The following SLC25A22 variants were observed in gnomAD, a reference collection of about 807,000 sequenced individuals.
SLC25A22 encodes the protein solute carrier family 25 member 22, also known as mitochondrial glutamate carrier 1.
A neutral mutation model predicts 33.7 loss-of-function variants in SLC25A22; 23 were observed. The observed-to-expected ratio is 0.68, with a 90% CI of 0.49 to 0.97. The LOEUF is 0.97. Among genes scored for constraint, SLC25A22 ranks in the 50% least tolerant of loss-of-function variants. The pLI is 0.00. For missense variants in SLC25A22, 390 were observed against 451.1 expected (o/e 0.86, Z 1.23); for synonymous variants, 245 against 203.8 (o/e 1.20, Z -1.72).
In SLC25A22 at chr11:794,544, C is replaced by A. The variant is rs372352469; in HGVS notation, c.147-31G>T. ...GCCAAGGGGACAGGGTGAGCCAGGG[C>A]CAGCTGGGGCCAGCCGGAGGCCAGG... On this transcript the variant is annotated intron_variant, in intron 3 of 9. Transcript: ENST00000628067. The A allele has an allele frequency of 2.5e-6, 4 of 1,607,950 alleles. No homozygotes were observed. In the Admixed American group the frequency reaches 6.7e-5, roughly 27 times the overall value.
Position 791,680 on chromosome 11 carries a change from A to C in SLC25A22, c.*235T>G. On this transcript the variant is annotated 3_prime_UTR_variant, in exon 10 of 10. Transcript: ENST00000628067. ...ATTGGGGCAGGGGCTAGCTTGAGGA[A>C]TGTAAAGATTTCTGCATTTTCTACA... 34 of 567,686 alleles carry C rather than the reference A, an allele frequency of 6.0e-5. No homozygotes were observed. The highest frequency in any genetic ancestry group is 9.3e-5 in the East Asian group (3 of 32,160). The allele number at this position is 567,686 out of a possible 1,614,324, so 35.2% of individuals were successfully genotyped here. A position where few individuals can be genotyped will look rare whatever the true frequency, so the allele number is the denominator to read the frequency against.
In SLC25A22 at chr11:792,561, C is replaced by T. The variant is rs141430143; in HGVS notation, c.579G>A (p.Thr193=). The change falls in exon 7 of 10, where the codon ACG becomes ACA. Residue 193 remains threonine (T), a synonymous_variant. Coordinates refer to ENST00000628067, the MANE Select transcript of SLC25A22 (RefSeq NM_001191061.2). ...IAGLYKGLGA[T]LLRDVPFSVV... ...TGCCCTGTGCCTCCTACCTGAGCAG[C>T]GTGGCCCCGAGTCCCTTGTAGAGAC... The T allele has an allele frequency of 3.6e-5, 58 of 1,612,250 alleles. No homozygotes were observed. Among genetic ancestry groups the T allele is most frequent in the Admixed American group, 2.5e-4 (15 of 59,962 alleles).
At chr11:797,384 G>A (rs369087138) in intron 1 of SLC25A22, 63 of 380,488 alleles carry the variant, frequency 1.7e-4, no homozygotes, top group African/African-American at 1.2e-3. Flanking sequence ...TGAGACAGCT[G>A]GCCAGGGCCC....
Position 793,600 on chromosome 11 carries a change from G to A in SLC25A22, c.222C>T (p.Thr74=), listed in dbSNP as rs1476954002. Residue 74 remains threonine, a synonymous_variant, in exon 5 of 10, where the codon ACC becomes ACT. Coordinates refer to ENST00000628067, the MANE Select transcript of SLC25A22 (RefSeq NM_001191061.2). ...TGATGGCCTTCTCGGGGGTGACGAG[G>A]GTCAAGTTCACAGCAGCTCCTGTGG... ...GMYRGAAVNL[T]LVTPEKAIKL... 8.1e-6 allele frequency: 13 copies of A among 1,610,282 alleles called. No individual in the cohort carries two copies. In the Admixed American group the frequency reaches 1.7e-4, roughly 21 times the overall value.
At position 795,019 on chromosome 11, in the gene SLC25A22, C is replaced by T. The variant is rs1348026703; in HGVS notation, c.-13G>A. The stretch of plus-strand genomic sequence containing the variant: ...GCTTATCAGCCATTTAACTCGATTG[C>T]ACCCAGGTAGGAGCCGCAGAGGTGG... On this transcript the variant is annotated 5_prime_UTR_variant, in exon 2 of 10. Coordinates refer to ENST00000628067, the MANE Select transcript of SLC25A22 (RefSeq NM_001191061.2). 3 of 1,553,472 alleles carry T rather than the reference C, an allele frequency of 1.9e-6. No homozygotes were observed. The highest frequency in any genetic ancestry group is 2.4e-5 in the South Asian group (2 of 84,202).
rs748509400 is a variant in SLC25A22, at chr11:794,524, G to A, written c.147-11C>T. 55 of 1,611,814 alleles carry A rather than the reference G, an allele frequency of 3.4e-5. 1 individual carries two copies. In the South Asian group the frequency reaches 4.7e-4, roughly 14 times the overall value. On this transcript the variant is annotated splice_polypyrimidine_tract_variant and intron_variant, in intron 3 of 9. Transcript: ENST00000628067. ...ATGAGGCAGTCGGACCTGTGGCCAA[G>A]GGGACAGGGTGAGCCAGGGCCAGCT...
Position 792,303 on chromosome 11 carries a change from C to T in SLC25A22, c.742+1G>A. On this transcript the variant is annotated splice_donor_variant, in intron 8 of 9. Transcript: ENST00000628067. LOFTEE classifies it high-confidence loss of function. ...AGCCGGGCGCCATCCCATGCACTGA[C>T]CATCACAGGGGTTGACGGCCACAGC... is the stretch of plus-strand genomic sequence containing the variant. The T allele has an allele frequency of 6.2e-7, 1 of 1,613,216 alleles. No homozygotes were observed. Among genetic ancestry groups the T allele is most frequent in the Non-Finnish European group, 8.5e-7 (1 of 1,179,944 alleles).
intron 1 of SLC25A22, among the ~76,000 whole-genome samples, chr11:795,861 C>A (rs1011522893): frequency 6.6e-6 from 1 of 152,194 alleles, no homozygotes; most frequent in African/African-American, 2.4e-5. Flanking sequence ...TCTGAGGCCC[C>A]CTGTGGCTGG....
intron 5 of SLC25A22, among the ~76,000 whole-genome samples, chr11:793,219 C>G (rs954976051): frequency 1.3e-5 from 2 of 152,164 alleles, no homozygotes; most frequent in Non-Finnish European, 2.9e-5. Flanking sequence ...CTGTCTGCGA[C>G]AAAGGAAAAT....
chr11:793,496 A>G (rs762506905), intron 5 of SLC25A22, 33 bp downstream of exon 5: 1 of 1,605,196 alleles, frequency 6.2e-7, no homozygotes, highest in Non-Finnish European at 8.5e-7. Flanking sequence ...GAAGCCAAAG[A>G]CCCCTCGAGT....
chr11:794,900 G>A lies in SLC25A22; in HGVS notation c.22C>T (p.Leu8=), dbSNP rs2133714057. MADKQIS[L]PAKLINGGIA... is the part of the protein sequence containing the mutation. ...CCGCCATTGATGAGCTTGGCTGGCA[G>A]GCTGTGTGGACAGGGGTGTCAGGAC... Residue 8 remains leucine (L), a splice_region_variant and synonymous_variant, in exon 3 of 10, where the codon CTG becomes TTG. Transcript: ENST00000628067. 1.3e-6 allele frequency: 2 copies of A among 1,565,318 alleles called. No individual in the cohort carries two copies. Among genetic ancestry groups the A allele is most frequent in the Non-Finnish European group, 1.7e-6 (2 of 1,154,892 alleles).
chr11:798,085 C>T, intron 1 of SLC25A22, 132 bp downstream of exon 1: 1 of 398,276 alleles, frequency 2.5e-6, no homozygotes. Flanking sequence ...TCCAGGACCC[C>T]CCCTCCCGCC....
At position 792,929 on chromosome 11, in the gene SLC25A22, A is replaced by G. The variant is rs1229884887; in HGVS notation, c.353T>C (p.Val118Ala). The change falls in exon 6 of 10, where the codon GTG (valine) becomes GCG (alanine). Residue 118 changes from valine to alanine, a missense_variant. Val to Ala is a moderately conservative substitution (Grantham distance 64, BLOSUM62 0). Coordinates refer to ENST00000628067, the MANE Select transcript of SLC25A22 (RefSeq NM_001191061.2). ...CATCTCCATGGGCGTGGTCACGATCACCTGGCAGGTGCCAGCCCCACAGCC... is the reference window on the plus strand; with the variant it reads ...CATCTCCATGGGCGTGGTCACGATCGCCTGGCAGGTGCCAGCCCCACAGCC... Reference protein sequence around the residue: ...LAGCGAGTCQVIVTTPMEMLK... With the variant: ...LAGCGAGTCQAIVTTPMEMLK... The G allele has an allele frequency of 6.2e-7, 1 of 1,611,988 alleles. No individual in the cohort carries two copies.
chr11:797,605 C>T (rs1450889598), intron 1 of SLC25A22: 3 of 398,534 alleles, frequency 7.5e-6, no homozygotes, highest in South Asian at 1.3e-4. Context: ...CGCCAGGCTC[C>T]TCCTACCCCC....
At chr11:797,245 G>A (rs1008410976) in intron 1 of SLC25A22, among the ~76,000 whole-genome samples, 5 of 152,222 alleles carry the variant, frequency 3.3e-5, no homozygotes, top group African/African-American at 1.2e-4. Context: ...CAGTGCAGCG[G>A]AGAGGAGCTT....
chr11:793,921 T>G, intron 4 of SLC25A22: 1 of 501,108 alleles, frequency 2.0e-6, no homozygotes. Flanking sequence ...CTCCCTAGGA[T>G]ACCTCTCCCT....
In SLC25A22 at chr11:793,631, G is replaced by C; in HGVS notation, c.203-12C>G. Reference sequence around the variant, plus strand: ...GTTCACAGCAGCTCCTGTGGGGCAGGGGGTCAGCTGGGGGGACATGCTCGG... The same window carrying C: ...GTTCACAGCAGCTCCTGTGGGGCAGCGGGTCAGCTGGGGGGACATGCTCGG... On this transcript the variant is annotated splice_polypyrimidine_tract_variant and intron_variant, in intron 4 of 9. Coordinates refer to ENST00000628067, the MANE Select transcript of SLC25A22 (RefSeq NM_001191061.2). The C allele has an allele frequency of 2.5e-6, 4 of 1,586,476 alleles. No individual in the cohort carries two copies. Among genetic ancestry groups the C allele is most frequent in the Non-Finnish European group, 3.4e-6 (4 of 1,163,228 alleles).
Position 792,125 on chromosome 11 carries a change from C to A in SLC25A22, c.818+17G>T. On this transcript the variant is annotated intron_variant, in intron 9 of 9. Coordinates refer to ENST00000628067, the MANE Select transcript of SLC25A22 (RefSeq NM_001191061.2). ...TACGCAGGCCCCCAGGCCCCACCCG[C>A]CGTGGGACCTCCCCACCTGGCACAG... 1 of 1,610,898 alleles carries A rather than the reference C, an allele frequency of 6.2e-7. No homozygotes were observed. The highest frequency in any genetic ancestry group is 1.1e-5 in the South Asian group (1 of 90,778).
In SLC25A22 at chr11:794,664, C is replaced by T. The variant is rs1458151504; in HGVS notation, c.146+112G>A. The T allele has an allele frequency of 2.2e-5, 34 of 1,533,192 alleles. No individual in the cohort carries two copies. The Admixed American group carries it at 6.4e-4, about 29-fold the overall frequency. The allele number at this position is 1,533,192 out of a possible 1,614,324, so 95.0% of individuals were successfully genotyped here. On this transcript the variant is annotated intron_variant, in intron 3 of 9. Transcript: ENST00000628067. ...CACGTGGGATCTCCCCTAGGCCCGCCTGCCTCCCGTTTCCCTTCTGTCAAA... is the reference window on the plus strand; with the variant it reads ...CACGTGGGATCTCCCCTAGGCCCGCTTGCCTCCCGTTTCCCTTCTGTCAAA...
Sources: gnomAD v4.1 joint callset for allele counts (sites outside exome capture counted in the v4.1 genomes callset) on GRCh38, gnomAD v4.1.1 for gene constraint, MANE v1.5 for transcripts, NCBI Gene and HGNC (gene_info 2026-07-23, HGNC 2026-07-21) for gene names.